BAG5: variants seen among roughly 807,000 people sequenced by gnomAD.
BAG5 encodes the protein BAG family molecular chaperone regulator 5.
Under a neutral mutation model 31.8 loss-of-function variants are expected in BAG5, and 25 were observed. The observed-to-expected ratio is 0.79, with a 90% CI of 0.57 to 1.10. The LOEUF (loss-of-function observed/expected upper bound fraction) is 1.10. Ranked by LOEUF, BAG5 falls within the 50% of genes least tolerant of loss-of-function variation. BAG5 has a pLI of 0.00. For missense variants in BAG5, 491 were observed against 527.9 expected (o/e 0.93, Z 0.68); for synonymous variants, 208 against 205.0 (o/e 1.01, Z -0.13).
rs2142258445 is a variant in BAG5, at chr14:103,558,123, AG to A, written c.*1697del. 1 of 152,358 alleles carries A rather than the reference AG, an allele frequency of 6.6e-6. No individual in the cohort carries two copies. Among genetic ancestry groups the A allele is most frequent in the Non-Finnish European group, 1.5e-5 (1 of 68,038 alleles). The allele number at this position is 152,358 out of a possible 1,614,324, so 9.4% of individuals were successfully genotyped here. A position where few individuals can be genotyped will look rare whatever the true frequency, so the allele number is the denominator to read the frequency against. On this transcript the variant is annotated 3_prime_UTR_variant, in exon 2 of 2. Coordinates refer to ENST00000299204, the MANE Select transcript of BAG5 (RefSeq NM_001015048.3). Reference sequence around the variant, plus strand: ...GACCTGCCTTGAGCCCGCGGTTGCCAGGAGTTGGACCTGCAGTAGTATGGGA... The same window carrying A: ...GACCTGCCTTGAGCCCGCGGTTGCCAGAGTTGGACCTGCAGTAGTATGGGA...
Position 103,560,130 on chromosome 14 carries a change from A to G in BAG5, c.1035T>C (p.Tyr345=), listed in dbSNP as rs754618752. The part of the protein sequence containing the change: ...AVIEVQTLIT[Y]IDLKEALEKR... The stretch of plus-strand genomic sequence containing the variant: ...TCTCAAGGGCCTCCTTCAAGTCAAT[A>G]TATGTGATCAGAGTTTGCACCTCGA... The change falls in exon 2 of 2, where the codon TAT becomes TAC. Residue 345 remains tyrosine (Y), a synonymous_variant. Transcript: ENST00000299204. 6.2e-7 allele frequency: 1 copy of G among 1,614,074 alleles called. No individual in the cohort carries two copies. The highest frequency in any genetic ancestry group is 1.1e-5 in the South Asian group (1 of 91,082).
At position 103,560,659 on chromosome 14, in the gene BAG5, T is replaced by C. The variant is rs571692426; in HGVS notation, c.506A>G (p.Lys169Arg). 3 of 1,614,186 alleles carry C rather than the reference T, an allele frequency of 1.9e-6. No individual in the cohort carries two copies. Among genetic ancestry groups the C allele is most frequent in the African/African-American group, 1.3e-5 (1 of 75,034 alleles). Residue 169 changes from lysine (K) to arginine (R), a missense_variant, in exon 2 of 2, where the codon AAG becomes AGG. Physicochemically the swap from Lys to Arg is conservative, Grantham distance 26. Coordinates refer to ENST00000299204, the MANE Select transcript of BAG5 (RefSeq NM_001015048.3). Reference sequence around the variant, plus strand: ...CTCGGAAAGCGGCAGGGAAGGCTGCTTTTTCATGCAGTCTTCGATTATCTC... The same window carrying C: ...CTCGGAAAGCGGCAGGGAAGGCTGCCTTTTCATGCAGTCTTCGATTATCTC... Reference protein sequence around the residue: ...VQEIIEDCMKKQPSLPLSEDA... With the variant: ...VQEIIEDCMKRQPSLPLSEDA...
At position 103,560,901 on chromosome 14, in the gene BAG5, GTGGTT is replaced by G; in HGVS notation, c.259_263del (p.Asn87ProfsTer5). 1 of 1,614,132 alleles carries G rather than the reference GTGGTT, an allele frequency of 6.2e-7. No homozygotes were observed. Among genetic ancestry groups the G allele is most frequent in the Non-Finnish European group, 8.5e-7 (1 of 1,180,042 alleles). The stretch of plus-strand genomic sequence containing the variant: ...TGTTCTGTATTTCAATCCGGTGTGG[GTGGTT>G]TGCATTCTGCTCCAACTCTTTGAGA... On this transcript the variant is annotated frameshift_variant, in exon 2 of 2. Transcript: ENST00000299204. LOFTEE classifies it high-confidence loss of function.
intron 1 of BAG5, chr14:103,561,836 GCCC>G: frequency 9.1e-7 from 1 of 1,103,686 alleles, no homozygotes; most frequent in Non-Finnish European, 1.4e-6. Context: ...CACCTCCTCA[GCCC>G]CCAACATGCT....
At position 103,561,169 on chromosome 14, in the gene BAG5, TTGTTG is replaced by T. The variant is rs1566973378; in HGVS notation, c.-10_-6del. On this transcript the variant is annotated 5_prime_UTR_variant, in exon 2 of 2. Transcript: ENST00000299204. The stretch of plus-strand genomic sequence containing the variant: ...ATGTTGGTTTCCCATATCCATACTT[TTGTTG>T]TGTTCAGTTTCACAAGCACTAAAAG... The T allele has an allele frequency of 6.3e-7, 1 of 1,595,706 alleles. No homozygotes were observed. Among genetic ancestry groups the T allele is most frequent in the Non-Finnish European group, 8.5e-7 (1 of 1,178,294 alleles).
Position 103,560,833 on chromosome 14 carries a change from G to T in BAG5, c.332C>A (p.Pro111Gln). ...TACGCAGTTGCCTCCATTATAAAAT[G>T]GCACAATTTTCTCTCTCACGAGGGA... is the stretch of plus-strand genomic sequence containing the variant. ...AQSLVREKIV[P>Q]FYNGGNCVTD... Residue 111 changes from proline to glutamine, a missense_variant, in exon 2 of 2, where the codon CCA becomes CAA. Coordinates refer to ENST00000299204, the MANE Select transcript of BAG5 (RefSeq NM_001015048.3). The T allele has an allele frequency of 6.2e-7, 1 of 1,613,940 alleles. No individual in the cohort carries two copies. The highest frequency in any genetic ancestry group is 8.5e-7 in the Non-Finnish European group (1 of 1,180,010).
intron 1 of BAG5, chr14:103,561,821 C>T (rs922885673): frequency 1.1e-6 from 1 of 944,282 alleles, no homozygotes; most frequent in South Asian, 1.4e-5. Context: ...GCTTTCGAGG[C>T]CCAACACCTC....
rs749420089 is a variant in BAG5, at chr14:103,560,462, G to A, written c.703C>T (p.Arg235Trp). The A allele has an allele frequency of 2.2e-5, 35 of 1,613,704 alleles. No individual in the cohort carries two copies. The Admixed American group carries it at 4.0e-4, about 18-fold the overall frequency. ...CTCCGATAATTTCTGATTTCTGTCC[G>A]GCCGCACACATCTAGAGCATCCAGG... ...ADLDALDVCG[R>W]TEIRNYRREV... is the part of the protein sequence containing the mutation. Residue 235 changes from arginine to tryptophan, a missense_variant, in exon 2 of 2, where the codon CGG (arginine) becomes TGG (tryptophan). Physicochemically the swap from Arg to Trp is moderately radical, Grantham distance 101 (BLOSUM62 -3). Coordinates refer to ENST00000299204, the MANE Select transcript of BAG5 (RefSeq NM_001015048.3).
chr14:103,560,037 C>G lies in BAG5; in HGVS notation c.1128G>C (p.Leu376Phe), dbSNP rs1273507880. Residue 376 changes from leucine to phenylalanine, a missense_variant, in exon 2 of 2, where the codon TTG becomes TTC. Physicochemically the swap from Leu to Phe is conservative, Grantham distance 22. Transcript: ENST00000299204. The part of the protein sequence containing the change: ...HKAVWNVLGN[L>F]SEIQGEVLSF... ...AAAGAACTTCTCCCTGGATCTCAGA[C>G]AAGTTTCCAAGGACGTTCCAGACGG... is the stretch of plus-strand genomic sequence containing the variant. The G allele has an allele frequency of 1.9e-6, 3 of 1,614,058 alleles. No individual in the cohort carries two copies. Among genetic ancestry groups the G allele is most frequent in the South Asian group, 1.1e-5 (1 of 91,086 alleles).
chr14:103,560,015 G>A lies in BAG5; in HGVS notation c.1150C>T (p.Leu384Phe), dbSNP rs1236963044. Residue 384 changes from leucine (L) to phenylalanine (F), a missense_variant, in exon 2 of 2, where the codon CTT becomes TTT. By Grantham distance (22) the Leu-to-Phe change is conservative (BLOSUM62 0). Transcript: ENST00000299204. ...GNLSEIQGEV[L>F]SFDGNRTDKN... ...TCGGTTCGATTTCCATCAAATGAAAGAACTTCTCCCTGGATCTCAGACAAG... is the reference window on the plus strand; with the variant it reads ...TCGGTTCGATTTCCATCAAATGAAAAAACTTCTCCCTGGATCTCAGACAAG... 1.2e-6 allele frequency: 2 copies of A among 1,614,182 alleles called. No individual in the cohort carries two copies. Among genetic ancestry groups the A allele is most frequent in the African/African-American group, 1.3e-5 (1 of 75,050 alleles).
At position 103,560,657 on chromosome 14, in the gene BAG5, G is replaced by A; in HGVS notation, c.508C>T (p.Gln170Ter). Reference sequence around the variant, plus strand: ...TCCTCGGAAAGCGGCAGGGAAGGCTGCTTTTTCATGCAGTCTTCGATTATC... The same window carrying A: ...TCCTCGGAAAGCGGCAGGGAAGGCTACTTTTTCATGCAGTCTTCGATTATC... ...QEIIEDCMKK[Q>*]PSLPLSEDAH... The change falls in exon 2 of 2, where the codon CAG becomes TAG. Residue 170 changes from glutamine to a stop codon, truncating the protein, a stop_gained. Transcript: ENST00000299204. LOFTEE classifies it high-confidence loss of function. The A allele has an allele frequency of 5.0e-6, 8 of 1,614,176 alleles. No homozygotes were observed. Among genetic ancestry groups the A allele is most frequent in the Non-Finnish European group, 6.8e-6 (8 of 1,180,042 alleles).
Position 103,560,626 on chromosome 14 carries a change from T to C in BAG5, c.539A>G (p.His180Arg), listed in dbSNP as rs1238454550. 1.2e-6 allele frequency: 2 copies of C among 1,614,196 alleles called. No individual in the cohort carries two copies. Among genetic ancestry groups the C allele is most frequent in the African/African-American group, 2.7e-5 (2 of 75,058 alleles). The change falls in exon 2 of 2, where the codon CAT becomes CGT. Residue 180 changes from histidine to arginine, a missense_variant. Transcript: ENST00000299204. ...GAAGTTGATTTTGGCAACGGAAGGA[T>C]GTGCATCCTCGGAAAGCGGCAGGGA... ...QPSLPLSEDAHPSVAKINFVM... is the reference protein window; with the variant it reads ...QPSLPLSEDARPSVAKINFVM...
chr14:103,560,276 G>A lies in BAG5; in HGVS notation c.889C>T (p.Gln297Ter), dbSNP rs1461805192. The change falls in exon 2 of 2, where the codon CAA (glutamine) becomes TAA (stop). Residue 297 changes from glutamine (Q) to a stop codon, truncating the protein, a stop_gained. Coordinates refer to ENST00000299204, the MANE Select transcript of BAG5 (RefSeq NM_001015048.3). LOFTEE classifies it high-confidence loss of function. ...REIKNELLQA[Q>*]NPSELYLSSK... ...CTCAGGTACAATTCAGAAGGGTTTT[G>A]TGCTTGGAGAAGTTCATTTTTTATT... is the stretch of plus-strand genomic sequence containing the variant. 1.2e-6 allele frequency: 2 copies of A among 1,614,152 alleles called. No homozygotes were observed. Among genetic ancestry groups the A allele is most frequent in the Admixed American group, 1.7e-5 (1 of 60,010 alleles).
chr14:103,562,578 CG>C (rs1217575560), intron 1 of BAG5, 37 bp downstream of exon 1: 1 of 162,452 alleles, frequency 6.2e-6, no homozygotes, highest in Non-Finnish European at 1.3e-5. Context: ...CTCGTCCCCC[CG>C]AGAGAGGGAA....
chr14:103,561,982 A>T, intron 1 of BAG5: 1 of 1,614,004 alleles, frequency 6.2e-7, no homozygotes, highest in South Asian at 1.1e-5. Flanking sequence ...CGGCTCGCTC[A>T]AGGTGGGTAA....
chr14:103,560,107 T>C lies in BAG5; in HGVS notation c.1058A>G (p.Glu353Gly), dbSNP rs370461213. ...CTCACAAGCAAACAGCTTTCTTTTCTCAAGGGCCTCCTTCAAGTCAATATA... is the reference window on the plus strand; with the variant it reads ...CTCACAAGCAAACAGCTTTCTTTTCCCAAGGGCCTCCTTCAAGTCAATATA... ...ITYIDLKEALEKRKLFACEEH... is the reference protein window; with the variant it reads ...ITYIDLKEALGKRKLFACEEH... Residue 353 changes from glutamate (E) to glycine (G), a missense_variant, in exon 2 of 2, where the codon GAG (glutamate) becomes GGG (glycine). Transcript: ENST00000299204. 1.9e-6 allele frequency: 3 copies of C among 1,614,054 alleles called. No homozygotes were observed. The African/African-American group carries it at 4.0e-5, about 22-fold the overall frequency.
In BAG5 at chr14:103,557,990, AAAAT is replaced by A. The variant is rs888497159; in HGVS notation, c.*1827_*1830del. On this transcript the variant is annotated 3_prime_UTR_variant, in exon 2 of 2. Coordinates refer to ENST00000299204, the MANE Select transcript of BAG5 (RefSeq NM_001015048.3). Reference sequence around the variant, plus strand: ...CCTGGGCAACAGAGACTCCATCTCAAAAATAAATAAAAAATAAAAACTCTTCCTC... The same window carrying A: ...CCTGGGCAACAGAGACTCCATCTCAAAAATAAAAAATAAAAACTCTTCCTC... The A allele has an allele frequency of 1.2e-4, 19 of 152,298 alleles. No individual in the cohort carries two copies. Among genetic ancestry groups the A allele is most frequent in the African/African-American group, 4.1e-4 (17 of 41,558 alleles). 9.4% of individuals were successfully genotyped at this position (152,298 alleles called of 1,614,324 possible).
intron 1 of BAG5, chr14:103,562,026 G>A (rs769862832): frequency 1.3e-6 from 2 of 1,577,888 alleles, no homozygotes; most frequent in Non-Finnish European, 1.7e-6. Flanking sequence ...CCCGGCGGAT[G>A]TCCTGGAGGC....
rs1281422221 is a variant in BAG5, at chr14:103,557,022, G to A, written c.*2799C>T. 6.6e-6 allele frequency: 1 copy of A among 152,200 alleles called. No individual in the cohort carries two copies. The allele number at this position is 152,200 out of a possible 1,614,324, so 9.4% of individuals were successfully genotyped here. A position where few individuals can be genotyped will look rare whatever the true frequency, so the allele number is the denominator to read the frequency against. ...ATAACTACTTCATTATAGGCTGACT[G>A]GCTTTCCTGTGTGGATAAAGTGTGA... On this transcript the variant is annotated 3_prime_UTR_variant, in exon 2 of 2. Transcript: ENST00000299204.
Sources: gnomAD v4.1 joint callset for allele counts on GRCh38, gnomAD v4.1.1 for gene constraint, MANE v1.5 for transcripts, NCBI Gene and HGNC (gene_info 2026-07-23, HGNC 2026-07-21) for gene names.